SNX29: variants seen among roughly 807,000 people sequenced by gnomAD.
The protein encoded by SNX29 is sorting nexin 29, also known as sorting nexin-29.
Under a neutral mutation model 102.1 loss-of-function variants are expected in SNX29, and 78 were observed. The observed-to-expected ratio is 0.76, with a 90% confidence interval of 0.64 to 0.92. The LOEUF is 0.92. Among genes scored for constraint, SNX29 ranks in the 40% least tolerant of loss-of-function variants. The pLI is 0.00. For synonymous variants in SNX29, 580 were observed against 414.5 expected, an observed-to-expected ratio of 1.40 and a Z score of -4.85; for missense variants, 1,280 against 1,061.7, an observed-to-expected ratio of 1.21 and a Z score of -2.86.
intron 15 of SNX29, among the ~76,000 whole-genome samples, chr16:12,310,061 TGCACGCAC>T (rs1348239027): frequency 3.3e-5 from 5 of 151,944 alleles, no homozygotes; most frequent in African/African-American, 9.7e-5. Context: ...CACACACGCA[TGCACGCAC>T]ATACATACAC....
intron 16 of SNX29, among the ~76,000 whole-genome samples, chr16:12,356,899 G>T (rs541000367): frequency 1.3e-5 from 2 of 152,226 alleles, no homozygotes; most frequent in African/African-American, 4.8e-5. Flanking sequence ...GATATCGCCA[G>T]ATGTCCTCTG....
At chr16:12,299,779 A>ATT (rs61233917) in intron 15 of SNX29, among the ~76,000 whole-genome samples, 7 of 131,322 alleles carry the variant, frequency 5.3e-5, no homozygotes, top group Non-Finnish European at 8.3e-5. Context: ...CAAATTTCGA[A>ATT]TTTTTTTTTT....
intron 18 of SNX29, among the ~76,000 whole-genome samples, chr16:12,466,734 G>A (rs1032472947): frequency 6.6e-6 from 1 of 152,170 alleles, no homozygotes; most frequent in African/African-American, 2.4e-5. Context: ...GGCAGGGGCT[G>A]GTGTTGGCAG....
intron 13 of SNX29, among the ~76,000 whole-genome samples, chr16:12,157,376 C>T (rs1480532159): frequency 6.6e-6 from 1 of 152,076 alleles, no homozygotes; most frequent in South Asian, 2.1e-4. Flanking sequence ...TGGCCCTCCA[C>T]AGCATGAGGG....
chr16:12,474,851 G>C (rs1329506183), intron 18 of SNX29, among the ~76,000 whole-genome samples: 3 of 152,204 alleles, frequency 2.0e-5, no homozygotes, highest in African/African-American at 7.2e-5. Flanking sequence ...GTAAAAGGCT[G>C]GTGAAGCAGT....
intron 20 of SNX29, among the ~76,000 whole-genome samples, chr16:12,548,314 C>G (rs1051785659): frequency 6.6e-6 from 1 of 152,190 alleles, no homozygotes; most frequent in Non-Finnish European, 1.5e-5. Flanking sequence ...GAGCCCTACT[C>G]TCCTGGCTTG....
intron 14 of SNX29, among the ~76,000 whole-genome samples, chr16:12,211,422 T>C (rs1465154440): frequency 6.6e-6 from 1 of 152,156 alleles, no homozygotes; most frequent in Non-Finnish European, 1.5e-5. Context: ...CCTGCAGCTT[T>C]TTTCCTTCTA....
intron 3 of SNX29, among the ~76,000 whole-genome samples, chr16:12,022,994 C>T (rs1233116855): frequency 6.6e-6 from 1 of 150,632 alleles, no homozygotes; most frequent in Admixed American, 6.7e-5. Flanking sequence ...CCCCCTGGGT[C>T]CAAGGAATTC....
chr16:12,372,631 G>A (rs889698684), intron 16 of SNX29: 3 of 152,146 alleles, frequency 2.0e-5, no homozygotes, highest in Non-Finnish European at 4.4e-5. Context: ...GAATTCTGTA[G>A]GTATCAAGTA....
intron 20 of SNX29, among the ~76,000 whole-genome samples, chr16:12,527,734 C>T (rs571814991): frequency 6.6e-6 from 1 of 152,190 alleles, no homozygotes; most frequent in African/African-American, 2.4e-5. Context: ...AGGTGGGAAG[C>T]CTGCACCCTG....
chr16:12,267,501 G>T (rs186268330), intron 14 of SNX29, among the ~76,000 whole-genome samples: 1 of 152,164 alleles, frequency 6.6e-6, no homozygotes, highest in Non-Finnish European at 1.5e-5. Flanking sequence ...TGCTCCTGGG[G>T]TCCTTTAGGC....
At chr16:12,293,419 T>C (rs10500380) in intron 15 of SNX29, among the ~76,000 whole-genome samples, 4,886 of 152,312 alleles carry the variant, frequency 0.032, 126 homozygotes, top group Admixed American at 0.063. Flanking sequence ...GCTTTCCTGC[T>C]GTTCAGACAG....
chr16:12,169,607 C>T (rs2076097694), intron 13 of SNX29, among the ~76,000 whole-genome samples: 1 of 152,092 alleles, frequency 6.6e-6, no homozygotes, highest in South Asian at 2.1e-4. Context: ...CGCCTGTAAT[C>T]CCAGCACTCT....
intron 18 of SNX29, among the ~76,000 whole-genome samples, chr16:12,466,972 G>C (rs184964194): frequency 1.4e-4 from 22 of 152,332 alleles, no homozygotes; most frequent in Admixed American, 6.5e-4. Context: ...TGGGCACCTG[G>C]ACCAGAAATT....
intron 15 of SNX29, among the ~76,000 whole-genome samples, chr16:12,336,672 C>T (rs746312): frequency 0.11 from 16,810 of 152,112 alleles, 2,404 homozygotes; most frequent in African/African-American, 0.33. Flanking sequence ...TGGCTGAGTA[C>T]AGTAGCTCAT....
chr16:12,295,984 G>A (rs1251015128), intron 15 of SNX29, among the ~76,000 whole-genome samples: 1 of 152,120 alleles, frequency 6.6e-6, no homozygotes, highest in Non-Finnish European at 1.5e-5. Context: ...TATGTTCTGT[G>A]GTAACAACCC....
At chr16:12,310,800 C>G (rs770437707) in intron 15 of SNX29, among the ~76,000 whole-genome samples, 7 of 151,804 alleles carry the variant, frequency 4.6e-5, no homozygotes, top group Non-Finnish European at 7.4e-5. Flanking sequence ...CTCAGTGAAG[C>G]TTAAAAAAAA....
intron 3 of SNX29, among the ~76,000 whole-genome samples, chr16:12,022,511 C>T (rs368856096): frequency 3.0e-4 from 46 of 152,110 alleles, no homozygotes; most frequent in Middle Eastern, 6.8e-3. Flanking sequence ...AATTTTTGTG[C>T]TTTTTAATAA....
chr16:12,571,722 A>C lies in SNX29; in HGVS notation c.*3093A>C, dbSNP rs1250203864. Reference sequence around the variant, plus strand: ...CAAAAGCTTCTAAGGGAGGGAGCTTAAAGGCTGCTAGAAACCTAGCCCAAC... The same window carrying C: ...CAAAAGCTTCTAAGGGAGGGAGCTTCAAGGCTGCTAGAAACCTAGCCCAAC... On this transcript the variant is annotated 3_prime_UTR_variant, in exon 21 of 21. Transcript: ENST00000566228. 6.2e-5 allele frequency: 65 copies of C among 1,050,508 alleles called. 1 individual carries two copies. The highest frequency in any genetic ancestry group is 1.2e-4 in the African/African-American group (7 of 60,580). 65.1% of individuals were successfully genotyped at this position (1,050,508 alleles called of 1,614,324 possible).
Sources: gnomAD v4.1 joint callset for allele counts (sites outside exome capture counted in the v4.1 genomes callset) on GRCh38, gnomAD v4.1.1 for gene constraint, MANE v1.5 for transcripts, NCBI Gene and HGNC (gene_info 2026-07-23, HGNC 2026-07-21) for gene names.